Variants in CA12 observed in about 807,000 individuals in gnomAD.
The protein encoded by CA12 is carbonic anhydrase 12, also known as carbonate dehydratase XII.
Under a neutral mutation model 46.8 loss-of-function variants are expected in CA12, and 36 were observed. That is an observed-to-expected ratio of 0.77 (90% CI 0.59 to 1.02). The LOEUF is 1.02. Ranked by LOEUF, CA12 falls within the 50% of genes least tolerant of loss-of-function variation. CA12 has a pLI of 0.00. For missense variants in CA12, 436 were observed against 451.4 expected (o/e 0.97, Z 0.31); for synonymous variants, 202 against 187.0 (o/e 1.08, Z -0.65).
Position 63,338,827 on chromosome 15 carries a change from A to G in CA12, c.866T>C (p.Phe289Ser), listed in dbSNP as rs1433453346. The change falls in exon 8 of 11, where the codon TTC (phenylalanine) becomes TCC (serine). Residue 289 changes from phenylalanine (F) to serine (S), a missense_variant. Transcript: ENST00000178638. ...KFDERLVYTS[F>S]SQVQVCTAAG... ...GCACTGCCTCTCCTCACCTTGGGAG[A>G]AGGAGGTGTATACCAGCCTCTCATC... 4 of 1,613,936 alleles carry G rather than the reference A, an allele frequency of 2.5e-6. No individual in the cohort carries two copies. The Admixed American group carries it at 6.7e-5, about 27-fold the overall frequency.
At chr15:63,357,134 C>G (rs2039305055) in intron 2 of CA12, among the ~76,000 whole-genome samples, 1 of 152,152 alleles carries the variant, frequency 6.6e-6, no homozygotes, top group Non-Finnish European at 1.5e-5. Context: ...ATGGCAGATG[C>G]TCAATGAATA....
Position 63,345,550 on chromosome 15 carries a change from T to G in CA12, c.356A>C (p.His119Pro), listed in dbSNP as rs1484198443. The change falls in exon 4 of 11, where the codon CAC (histidine) becomes CCC (proline). Residue 119 changes from histidine to proline, a missense_variant. Coordinates refer to ENST00000178638, the MANE Select transcript of CA12 (RefSeq NM_001218.5). The surrounding 1 kb of genome is among the most constrained non-coding windows in gnomAD (Gnocchi z 4.3). ...LQSRYSATQL[H>P]LHWGNPNDPH... ...GTCATTCGGGTTCCCCCAGTGCAGG[T>G]GCAGCTGCGTGGCACTGTAGCGAGA... 2 of 1,613,270 alleles carry G rather than the reference T, an allele frequency of 1.2e-6. No individual in the cohort carries two copies. The highest frequency in any genetic ancestry group is 1.7e-6 in the Non-Finnish European group (2 of 1,180,008).
intron 1 of CA12, among the ~76,000 whole-genome samples, chr15:63,376,603 TC>T (rs1245934153): frequency 8.1e-5 from 12 of 148,412 alleles, no homozygotes; most frequent in African/African-American, 1.5e-4. Context: ...TCTTTCTTTC[TC>T]TCTCTCTCGC....
rs74794784 is a variant in CA12, at chr15:63,327,500, G to GTT, written c.908-269_908-268dup. 1.8e-3 allele frequency among the ~76,000 whole-genome samples: 247 copies of GTT among 140,308 alleles called. No homozygotes were observed. Among genetic ancestry groups the GTT allele is most frequent in the African/African-American group, 3.7e-3 (142 of 37,906 alleles). The allele number at this position is 140,308 out of a possible 152,430, so 92.0% of individuals were successfully genotyped here. On this transcript the variant is annotated intron_variant, in intron 9 of 10. Coordinates refer to ENST00000178638, the MANE Select transcript of CA12 (RefSeq NM_001218.5). The surrounding 1 kb of genome is among the most constrained non-coding windows in gnomAD (Gnocchi z 4.5). ...CTGAAGAGCTTGTTTAAAATGTAGG[G>GTT]TTTTTTTTTTTTTTTTAGCCCAACC...
chr15:63,370,442 CAAAA>C (rs58832010), intron 2 of CA12, among the ~76,000 whole-genome samples: 2 of 79,110 alleles, frequency 2.5e-5, no homozygotes. Flanking sequence ...AGCCCTGTCT[CAAAA>C]AAAAAAAAAA....
At chr15:63,357,032 A>T (rs2039303890) in intron 2 of CA12, among the ~76,000 whole-genome samples, 1 of 152,238 alleles carries the variant, frequency 6.6e-6, no homozygotes, top group African/African-American at 2.4e-5. Context: ...TTAATGTACC[A>T]TTTCTTTTCC....
At chr15:63,367,463 C>T (rs148256502) in intron 2 of CA12, among the ~76,000 whole-genome samples, 7 of 152,250 alleles carry the variant, frequency 4.6e-5, no homozygotes, top group African/African-American at 1.4e-4. Context: ...GGGAAGGCAC[C>T]AGGCCCCACT....
rs1567040811 is a variant in CA12 at position 63,330,473 on chromosome 15, C to T, written c.875-2343G>A. The stretch of plus-strand genomic sequence containing the variant: ...GTGGTGCCAAACCAGTTCTCGCCAC[C>T]TGAAGACTATTACTAGGAAGCCTTA... On this transcript the variant is annotated intron_variant, in intron 8 of 10. Coordinates refer to ENST00000178638, the MANE Select transcript of CA12 (RefSeq NM_001218.5). The surrounding 1 kb of genome is among the most constrained non-coding windows in gnomAD (Gnocchi z 4.0). Among the ~76,000 whole-genome samples the T allele has an allele frequency of 6.6e-6, 1 of 152,222 alleles. No individual in the cohort carries two copies. The highest frequency in any genetic ancestry group is 1.9e-4 in the East Asian group (1 of 5,198).
Position 63,323,633 on chromosome 15 carries a change from T to C in CA12, c.*2652A>G, listed in dbSNP as rs1595770919. 1 of 152,640 alleles carries C rather than the reference T, an allele frequency of 6.6e-6. No homozygotes were observed. The highest frequency in any genetic ancestry group is 2.4e-5 in the African/African-American group (1 of 41,436). The allele number at this position is 152,640 out of a possible 1,614,324, so 9.5% of individuals were successfully genotyped here. A position where few individuals can be genotyped will look rare whatever the true frequency, so the allele number is the denominator to read the frequency against. On this transcript the variant is annotated 3_prime_UTR_variant, in exon 11 of 11. Coordinates refer to ENST00000178638, the MANE Select transcript of CA12 (RefSeq NM_001218.5). This position sits in a 1 kb window ranked among gnomAD's most constrained non-coding sequence, Gnocchi z 5.1. ...AGTGCTAAACAGACCATTATCACAG[T>C]GGCCTGTGGGCTGAGGCACAGGAAC...
chr15:63,336,543 CTTTTT>C (rs71998323), intron 8 of CA12, among the ~76,000 whole-genome samples: 3,987 of 85,678 alleles, frequency 0.047, 43 homozygotes, highest in Middle Eastern at 0.071. Context: ...TCCAACCTGG[CTTTTT>C]TTTTTTTTTT....
chr15:63,349,044 G>A (rs1305193195), intron 2 of CA12, among the ~76,000 whole-genome samples: 1 of 152,206 alleles, frequency 6.6e-6, no homozygotes, highest in African/African-American at 2.4e-5. Flanking sequence ...AAGCAGCTAT[G>A]TTGGACCAGG....
rs1200115003 is a variant in CA12 at position 63,327,344 on chromosome 15, A to T, written c.908-111T>A. ...AGCTGCATAATCATCCACAGAAAGG[A>T]ATAATTTCCCCATCCCTGTTCTCAG... On this transcript the variant is annotated intron_variant, in intron 9 of 10. Coordinates refer to ENST00000178638, the MANE Select transcript of CA12 (RefSeq NM_001218.5). This position sits in a 1 kb window ranked among gnomAD's most constrained non-coding sequence, Gnocchi z 4.5. 2.4e-6 allele frequency: 2 copies of T among 838,462 alleles called. No individual in the cohort carries two copies. The highest frequency in any genetic ancestry group is 4.0e-5 in the Admixed American group (2 of 49,552). The allele number at this position is 838,462 out of a possible 1,614,324, so 51.9% of individuals were successfully genotyped here.
At position 63,341,233 on chromosome 15, in the gene CA12, A is replaced by G. The variant is rs1191123399; in HGVS notation, c.526-450T>C. ...CATTCCTCTATCTTGGGATAAAAAA[A>G]GAATTCATTCCAGGGTACATATAGA... On this transcript the variant is annotated intron_variant, in intron 5 of 10. Coordinates refer to ENST00000178638, the MANE Select transcript of CA12 (RefSeq NM_001218.5). The surrounding 1 kb of genome is among the most constrained non-coding windows in gnomAD (Gnocchi z 5.2). 6.6e-6 allele frequency among the ~76,000 whole-genome samples: 1 copy of G among 152,212 alleles called. No individual in the cohort carries two copies. Among genetic ancestry groups the G allele is most frequent in the Non-Finnish European group, 1.5e-5 (1 of 68,034 alleles).
At chr15:63,344,919 C>CGGGAGACAGGGAGACAT (rs2152617622) in intron 4 of CA12, among the ~76,000 whole-genome samples, 1 of 152,220 alleles carries the variant, frequency 6.6e-6, no homozygotes, top group East Asian at 1.9e-4. Flanking sequence ...ACATCTTGTC[C>CGGGAGACAGGGAGACAT]CTAGTGAGTC....
Position 63,355,908 on chromosome 15 carries a change from G to A in CA12, c.107-9199C>T, listed in dbSNP as rs1295479801. 6.6e-6 allele frequency among the ~76,000 whole-genome samples: 1 copy of A among 152,122 alleles called. No homozygotes were observed. The highest frequency in any genetic ancestry group is 2.4e-5 in the African/African-American group (1 of 41,418). ...TCTTAAACATAATATTCAAATAGGGGGCTCCAGGCTCAGGCAACGACTGGT... is the reference window on the plus strand; with the variant it reads ...TCTTAAACATAATATTCAAATAGGGAGCTCCAGGCTCAGGCAACGACTGGT... On this transcript the variant is annotated intron_variant, in intron 2 of 10. Coordinates refer to ENST00000178638, the MANE Select transcript of CA12 (RefSeq NM_001218.5). The surrounding 1 kb of genome is among the most constrained non-coding windows in gnomAD (Gnocchi z 4.1).
chr15:63,334,685 G>A (rs1174603919), intron 8 of CA12, among the ~76,000 whole-genome samples: 1 of 152,082 alleles, frequency 6.6e-6, no homozygotes, highest in African/African-American at 2.4e-5. Context: ...ATACAAAAGG[G>A]AGAGAGAAAA....
intron 2 of CA12, among the ~76,000 whole-genome samples, chr15:63,366,575 A>G (rs1595790562): frequency 6.6e-6 from 1 of 152,196 alleles, no homozygotes. Flanking sequence ...CTTTAGTCCA[A>G]TATTTGGCAC....
Position 63,346,690 on chromosome 15 carries a change from G to A in CA12, c.126C>T (p.Ser42=). 1.2e-6 allele frequency: 2 copies of A among 1,614,188 alleles called. No homozygotes were observed. Among genetic ancestry groups the A allele is most frequent in the Non-Finnish European group, 1.7e-6 (2 of 1,180,014 alleles). The change falls in exon 3 of 11, where the codon AGC becomes AGT. Residue 42 remains serine (S), a synonymous_variant. Coordinates refer to ENST00000178638, the MANE Select transcript of CA12 (RefSeq NM_001218.5). ...WTYFGPDGEN[S]WSKKYPSCGG... is the part of the protein sequence containing the mutation. ...CACACGACGGGTACTTCTTGGACCA[G>A]CTATTCTCCCCATCAGGACCTGGAC...
intron 2 of CA12, among the ~76,000 whole-genome samples, chr15:63,352,214 C>G (rs913783935): frequency 1.3e-5 from 2 of 152,184 alleles, no homozygotes; most frequent in Admixed American, 1.3e-4. Context: ...TGCCTCCACG[C>G]CCAGCTAATT....
Sources: allele counts gnomAD v4.1 joint callset (sites outside exome capture counted in the v4.1 genomes callset), GRCh38; gene constraint gnomAD v4.1.1; non-coding constraint Gnocchi (gnomAD v3.1); transcripts MANE v1.5; gene names NCBI Gene and HGNC (gene_info 2026-07-23, HGNC 2026-07-21).